Variants in CTNND2 observed in about 807,000 individuals in gnomAD.
CTNND2 encodes catenin delta 2, also known as catenin delta-2.
In CTNND2, 22 loss-of-function variants were observed where a neutral mutation model predicts 144.4. The observed-to-expected ratio is 0.15, with a 90% CI of 0.11 to 0.22. The LOEUF (loss-of-function observed/expected upper bound fraction) is 0.22, where lower values mean the gene tolerates loss of function less well. Ranked by LOEUF, CTNND2 falls within the 10% of genes least tolerant of loss-of-function variation. CTNND2 has a pLI of 1.00. For synonymous variants in CTNND2, 751 were observed against 695.6 expected, an observed-to-expected ratio of 1.08 and a Z score of -1.25; for missense variants, 1,353 against 1,618.8, an observed-to-expected ratio of 0.84 and a Z score of 2.82.
At chr5:11,241,076 CACACACACACCCAAT>C (rs1474192579) in intron 9 of CTNND2, among the ~76,000 whole-genome samples, 3 of 150,218 alleles carry the variant, frequency 2.0e-5, no homozygotes, top group Non-Finnish European at 4.4e-5. Flanking sequence ...TAACACCCAA[CACACACACACCCAAT>C]ACACACACCC....
intron 20 of CTNND2, among the ~76,000 whole-genome samples, chr5:10,987,019 A>C (rs1738053247): frequency 6.6e-6 from 1 of 152,208 alleles, no homozygotes; most frequent in African/African-American, 2.4e-5. Context: ...TTTGCGCCCC[A>C]GCTTTATGAA....
intron 2 of CTNND2, among the ~76,000 whole-genome samples, chr5:11,687,650 A>G (rs80276956): frequency 0.014 from 2,065 of 152,316 alleles, 21 homozygotes; most frequent in East Asian, 0.057. Flanking sequence ...CACACAGATA[A>G]TATCTGTAGG....
At chr5:11,199,697 T>C (rs1370908936) in intron 10 of CTNND2, 36 bp from the exon 11 acceptor site, 2 of 1,547,216 alleles carry the variant, frequency 1.3e-6, no homozygotes, top group Non-Finnish European at 1.8e-6. Flanking sequence ...TGCTTTACAG[T>C]GTAAGGTTTC....
intron 3 of CTNND2, among the ~76,000 whole-genome samples, chr5:11,516,543 C>T (rs866479908): frequency 1.3e-5 from 2 of 152,040 alleles, no homozygotes; most frequent in Middle Eastern, 3.4e-3. Context: ...TTTCTATACA[C>T]TAGAAATAGA....
chr5:11,486,049 T>C (rs2149984651), intron 3 of CTNND2, among the ~76,000 whole-genome samples: 1 of 152,210 alleles, frequency 6.6e-6, no homozygotes, highest in East Asian at 1.9e-4. Flanking sequence ...AACACCCAAT[T>C]TGTAAAAATG....
At chr5:11,523,896 C>T (rs190180540) in intron 3 of CTNND2, among the ~76,000 whole-genome samples, 75 of 152,292 alleles carry the variant, frequency 4.9e-4, no homozygotes, top group Non-Finnish European at 2.9e-5. Context: ...GTCTCATTCT[C>T]TCCATCTATG....
At chr5:11,391,982 T>C (rs533850981) in intron 6 of CTNND2, among the ~76,000 whole-genome samples, 2 of 152,308 alleles carry the variant, frequency 1.3e-5, no homozygotes, top group African/African-American at 4.8e-5. Flanking sequence ...AAAGCAACTA[T>C]ATCCCTGGAA....
chr5:11,810,724 T>C (rs1424068170), intron 1 of CTNND2, among the ~76,000 whole-genome samples: 1 of 152,198 alleles, frequency 6.6e-6, no homozygotes, highest in Admixed American at 6.5e-5. Context: ...TGTATGAGTA[T>C]ACAGGTATGC....
At chr5:11,291,840 T>C (rs1469945611) in intron 9 of CTNND2, among the ~76,000 whole-genome samples, 9 of 152,198 alleles carry the variant, frequency 5.9e-5, no homozygotes, top group Admixed American at 1.3e-4. Context: ...AAACATTTAT[T>C]TCCTGATGTC....
chr5:11,077,381 G>A (rs1171066285), intron 16 of CTNND2, among the ~76,000 whole-genome samples: 2 of 152,162 alleles, frequency 1.3e-5, no homozygotes, highest in Non-Finnish European at 2.9e-5. Flanking sequence ...GCTTCTCTGG[G>A]AAAGACGTGA....
chr5:11,328,242 G>C (rs531835267), intron 9 of CTNND2, among the ~76,000 whole-genome samples: 15 of 150,544 alleles, frequency 1.0e-4, no homozygotes, highest in Non-Finnish European at 1.9e-4. Flanking sequence ...GCAGATAAAT[G>C]TATATGTGTT....
At chr5:11,877,924 T>C (rs1252083526) in intron 1 of CTNND2, among the ~76,000 whole-genome samples, 2 of 152,178 alleles carry the variant, frequency 1.3e-5, no homozygotes, top group Non-Finnish European at 2.9e-5. Context: ...ATCTAATATA[T>C]AAAAATATTT....
intron 13 of CTNND2, among the ~76,000 whole-genome samples, chr5:11,111,575 G>C (rs1031868895): frequency 6.6e-6 from 1 of 152,172 alleles, no homozygotes; most frequent in Non-Finnish European, 1.5e-5. Flanking sequence ...AATATTTTTA[G>C]TCTACATTTT....
intron 1 of CTNND2, among the ~76,000 whole-genome samples, chr5:11,831,620 T>C (rs955833315): frequency 8.6e-5 from 13 of 151,100 alleles, no homozygotes; most frequent in African/African-American, 2.2e-4. Flanking sequence ...TGAGCCGAGA[T>C]TGCGCCACTG....
chr5:11,708,231 C>CTTAATAG (rs141581956), intron 2 of CTNND2, among the ~76,000 whole-genome samples: 6,346 of 151,816 alleles, frequency 0.042, 480 homozygotes, highest in African/African-American at 0.15. Flanking sequence ...ATTTTTTAAA[C>CTTAATAG]TTAAATAGAT....
At chr5:11,506,514 T>C (rs1771049361) in intron 3 of CTNND2, among the ~76,000 whole-genome samples, 6 of 152,218 alleles carry the variant, frequency 3.9e-5, no homozygotes, top group Admixed American at 3.3e-4. Context: ...ACAATTATAC[T>C]ACATTTGGAA....
chr5:11,118,566 T>C (rs1753784433), intron 12 of CTNND2, among the ~76,000 whole-genome samples: 3 of 152,170 alleles, frequency 2.0e-5, no homozygotes, highest in South Asian at 2.1e-4. Context: ...TAGAGTCAGA[T>C]AACTTGCATA....
intron 12 of CTNND2, among the ~76,000 whole-genome samples, chr5:11,132,417 G>T (rs1015039593): frequency 6.6e-6 from 1 of 152,130 alleles, no homozygotes; most frequent in Non-Finnish European, 1.5e-5. Context: ...AGATGATTAG[G>T]TCATAAGGAT....
intron 2 of CTNND2, among the ~76,000 whole-genome samples, chr5:11,722,437 TAAA>T (rs1164331613): frequency 6.6e-6 from 1 of 152,136 alleles, no homozygotes; most frequent in Non-Finnish European, 1.5e-5. Flanking sequence ...TGTGCTAAAA[TAAA>T]AAAGTGCCAA....
Sources: gnomAD v4.1 joint callset for allele counts (sites outside exome capture counted in the v4.1 genomes callset) on GRCh38, gnomAD v4.1.1 for gene constraint, MANE v1.5 for transcripts, NCBI Gene and HGNC (gene_info 2026-07-23, HGNC 2026-07-21) for gene names.